Variants in ATG7 observed in about 807,000 individuals in gnomAD.
The protein encoded by ATG7 is ubiquitin-like modifier-activating enzyme ATG7.
Under a neutral mutation model 82.4 loss-of-function variants are expected in ATG7, and 70 were observed. The ratio of observed to expected loss-of-function variants is 0.85; its 90% CI spans 0.70 to 1.04. ATG7 has a LOEUF of 1.04. ATG7 is among the 50% of genes least tolerant of loss of function. ATG7 has a pLI of 0.00. For synonymous variants in ATG7, 287 were observed against 313.0 expected (o/e 0.92, Z 0.88); for missense variants, 792 against 864.3 (o/e 0.92, Z 1.05).
At chr3:11,317,584 C>CTTTCTTTTTTTTTTT (rs1949611525) in intron 9 of ATG7, among the ~76,000 whole-genome samples, 1 of 114,482 alleles carries the variant, frequency 8.7e-6, no homozygotes, top group African/African-American at 3.2e-5. Flanking sequence ...TTCTTTCTTT[C>CTTTCTTTTTTTTTTT]TTTTTTTTTT....
At chr3:11,546,504 G>A (rs1182738807) in intron 20 of ATG7, among the ~76,000 whole-genome samples, 3 of 152,152 alleles carry the variant, frequency 2.0e-5, no homozygotes, top group Non-Finnish European at 2.9e-5. Flanking sequence ...ACAAATGAAC[G>A]CTTTTAACGG....
intron 19 of ATG7, among the ~76,000 whole-genome samples, chr3:11,419,591 T>G: frequency 6.6e-6 from 1 of 152,168 alleles, no homozygotes. Flanking sequence ...AAACCCATTT[T>G]GCTTCTCATG....
In ATG7 at chr3:11,511,413, G is replaced by A. The variant is rs59113558; in HGVS notation, c.2080-43398G>A. Among the ~76,000 whole-genome samples the A allele has an allele frequency of 1.7e-3, 257 of 152,310 alleles. 1 individual carries two copies. The highest frequency in any genetic ancestry group is 6.0e-3 in the African/African-American group (249 of 41,568). On this transcript the variant is annotated intron_variant, in intron 20 of 20. Transcript: ENST00000693202. ...CCAGAGCAGCTAGATACAGAGTGTCGACTGGTGCATTCACAAACCTTGAGC... is the reference window on the plus strand; with the variant it reads ...CCAGAGCAGCTAGATACAGAGTGTCAACTGGTGCATTCACAAACCTTGAGC...
intron 19 of ATG7, among the ~76,000 whole-genome samples, chr3:11,391,302 C>G (rs1171835167): frequency 6.6e-6 from 1 of 152,012 alleles, no homozygotes; most frequent in Non-Finnish European, 1.5e-5. Flanking sequence ...AATCTAGGAG[C>G]TTAATTATTA....
At chr3:11,290,687 ATCT>A (rs1259350423) in intron 3 of ATG7, 2 of 215,190 alleles carry the variant, frequency 9.3e-6, no homozygotes, top group African/African-American at 4.8e-5. Flanking sequence ...AATGTCTGTT[ATCT>A]TCTTTTTTTT....
In ATG7 at chr3:11,292,039, G is replaced by A. The variant is rs76230113; in HGVS notation, c.-10-6647G>A. 2.2e-3 allele frequency among the ~76,000 whole-genome samples: 342 copies of A among 152,238 alleles called. 1 individual carries two copies. The highest frequency in any genetic ancestry group is 7.7e-3 in the African/African-American group (318 of 41,542). ...GGAGATGGGCCAAAGGCAGTGACCC[G>A]TGAGTATATCACTGCAAGAGCCGAG... On this transcript the variant is annotated intron_variant, in intron 3 of 20. Coordinates refer to ENST00000693202, the MANE Select transcript of ATG7 (RefSeq NM_001349232.2).
intron 13 of ATG7, among the ~76,000 whole-genome samples, chr3:11,345,224 T>C (rs897152181): frequency 2.6e-5 from 4 of 151,882 alleles, no homozygotes; most frequent in Non-Finnish European, 5.9e-5. Context: ...GAGAACACGG[T>C]TGAAACCCCG....
At chr3:11,276,905 A>G (rs1487809823) in intron 1 of ATG7, among the ~76,000 whole-genome samples, 3 of 152,286 alleles carry the variant, frequency 2.0e-5, no homozygotes, top group Admixed American at 2.0e-4. Context: ...AACTCAAACA[A>G]GTCTAAAACT....
chr3:11,426,228 T>C (rs1394625936), intron 19 of ATG7, among the ~76,000 whole-genome samples: 2 of 152,222 alleles, frequency 1.3e-5, no homozygotes, highest in African/African-American at 4.8e-5. Context: ...TTAGTCTTTT[T>C]GATAGGTGCA....
chr3:11,382,342 A>G (rs2077971116), intron 19 of ATG7, among the ~76,000 whole-genome samples: 1 of 152,258 alleles, frequency 6.6e-6, no homozygotes, highest in Non-Finnish European at 1.5e-5. Flanking sequence ...ATGTAGCCTG[A>G]GGTGGGGAAG....
At chr3:11,515,867 A>G (rs4684073) in intron 20 of ATG7, among the ~76,000 whole-genome samples, 26,270 of 152,002 alleles carry the variant, frequency 0.17, 2,841 homozygotes, top group South Asian at 0.34. Context: ...AGTTGAAAAA[A>G]GCAGTGCTGT....
intron 20 of ATG7, among the ~76,000 whole-genome samples, chr3:11,506,582 A>AC (rs2091739264): frequency 8.3e-5 from 1 of 12,076 alleles, no homozygotes; most frequent in Non-Finnish European, 1.7e-4. Flanking sequence ...AAAAAAAAAA[A>AC]AACCCAAAAA....
intron 9 of ATG7, 123 bp from the exon 10 acceptor site, chr3:11,331,217 C>T: frequency 1.3e-6 from 1 of 794,070 alleles, no homozygotes. Flanking sequence ...AGCCCTTTAC[C>T]AGATGTTTAA....
intron 14 of ATG7, among the ~76,000 whole-genome samples, chr3:11,357,776 G>T (rs972753682): frequency 6.6e-6 from 1 of 151,982 alleles, no homozygotes; most frequent in Non-Finnish European, 1.5e-5. Flanking sequence ...TTTGGAGGCC[G>T]AATCAGGAGG....
chr3:11,307,083 A>G (rs779577970), intron 6 of ATG7, 23 bp downstream of exon 6: 16 of 1,590,940 alleles, frequency 1.0e-5, no homozygotes, highest in Admixed American at 3.3e-5. Flanking sequence ...AACGTGATGT[A>G]TGTGTCATAT....
chr3:11,489,509 C>T lies in ATG7; in HGVS notation c.2079+62583C>T, dbSNP rs556564339. On this transcript the variant is annotated intron_variant, in intron 20 of 20. Coordinates refer to ENST00000693202, the MANE Select transcript of ATG7 (RefSeq NM_001349232.2). Reference sequence around the variant, plus strand: ...GTTCTGCTCTTTAGTTATTTCTTGCCTTCTGCTGGCTTTTGAATGTGTTTG... The same window carrying T: ...GTTCTGCTCTTTAGTTATTTCTTGCTTTCTGCTGGCTTTTGAATGTGTTTG... Among the ~76,000 whole-genome samples the T allele has an allele frequency of 1.6e-3, 232 of 145,210 alleles. 1 individual carries two copies. The highest frequency in any genetic ancestry group is 5.1e-3 in the African/African-American group (200 of 39,392).
Position 11,556,431 on chromosome 3 carries a change from CAA to C in ATG7, c.*1590_*1591del, listed in dbSNP as rs1367970034. Reference sequence around the variant, plus strand: ...CCAGAGTGACGCCCTTGTTCACTGACAAAGAGACCTGTCCCAGGAGTGTCCTC... The same window carrying C: ...CCAGAGTGACGCCCTTGTTCACTGACAGAGACCTGTCCCAGGAGTGTCCTC... On this transcript the variant is annotated 3_prime_UTR_variant, in exon 21 of 21. Transcript: ENST00000693202. 4 of 152,822 alleles carry C rather than the reference CAA, an allele frequency of 2.6e-5. No individual in the cohort carries two copies. The highest frequency in any genetic ancestry group is 1.3e-4 in the Admixed American group (2 of 15,276). The allele number at this position is 152,822 out of a possible 1,614,324, so 9.5% of individuals were successfully genotyped here.
At chr3:11,385,903 G>A (rs142973138) in intron 19 of ATG7, among the ~76,000 whole-genome samples, 90 of 152,316 alleles carry the variant, frequency 5.9e-4, no homozygotes, top group African/African-American at 2.1e-3. Flanking sequence ...TGTGAGTGCC[G>A]TTTTAATTTT....
chr3:11,321,496 G>T (rs935236261), intron 9 of ATG7, among the ~76,000 whole-genome samples: 3 of 152,180 alleles, frequency 2.0e-5, no homozygotes, highest in Non-Finnish European at 4.4e-5. Flanking sequence ...GAGAAGTGTT[G>T]TCTGCATTTT....
Sources: allele counts gnomAD v4.1 joint callset (sites outside exome capture counted in the v4.1 genomes callset), GRCh38; gene constraint gnomAD v4.1.1; transcripts MANE v1.5; gene names NCBI Gene and HGNC (gene_info 2026-07-23, HGNC 2026-07-21).